MUSK: variants seen among roughly 807,000 people sequenced by gnomAD.
MUSK encodes muscle, skeletal receptor tyrosine-protein kinase.
Under a neutral mutation model 88.7 loss-of-function variants are expected in MUSK, and 55 were observed. The observed-to-expected ratio is 0.62, with a 90% CI of 0.50 to 0.78. MUSK has a LOEUF of 0.78. Among genes scored for constraint, MUSK ranks in the 30% least tolerant of loss-of-function variants. The pLI is 0.00. For missense variants in MUSK, 1,015 were observed against 1,074.3 expected (o/e 0.94, Z 0.77); for synonymous variants, 387 against 391.9 (o/e 0.99, Z 0.15).
In MUSK at chr9:110,775,814, T is replaced by C; in HGVS notation, c.1211T>C (p.Leu404Pro). 1 of 1,613,892 alleles carries C rather than the reference T, an allele frequency of 6.2e-7. No individual in the cohort carries two copies. Among genetic ancestry groups the C allele is most frequent in the Non-Finnish European group, 8.5e-7 (1 of 1,179,836 alleles). Reference sequence around the variant, plus strand: ...GAGTACTGCTTGGCAGTAAAGGAGCTCTTCTGCGCAAAAGAATGGCTGGTA... The same window carrying C: ...GAGTACTGCTTGGCAGTAAAGGAGCCCTTCTGCGCAAAAGAATGGCTGGTA... Reference protein sequence around the residue: ...CREYCLAVKELFCAKEWLVME... With the variant: ...CREYCLAVKEPFCAKEWLVME... Residue 404 changes from leucine to proline, a missense_variant, in exon 10 of 15, where the codon CTC becomes CCC. Coordinates refer to ENST00000374448, the MANE Select transcript of MUSK (RefSeq NM_005592.4).
chr9:110,805,020 T>A lies in MUSK; in HGVS notation c.*4032T>A, dbSNP rs1016477113. 1.3e-5 allele frequency among the ~76,000 whole-genome samples: 2 copies of A among 151,964 alleles called. No homozygotes were observed. The highest frequency in any genetic ancestry group is 4.1e-4 in the South Asian group (2 of 4,830). On this transcript the variant is annotated 3_prime_UTR_variant, in exon 15 of 15. Transcript: ENST00000374448. ...TCTTCTACATGAACAAGTATTCATGTGCAACATTAATTTTGATGGTTGAAT... is the reference window on the plus strand; with the variant it reads ...TCTTCTACATGAACAAGTATTCATGAGCAACATTAATTTTGATGGTTGAAT...
chr9:110,737,921 C>T (rs1354861717), intron 6 of MUSK, among the ~76,000 whole-genome samples: 2 of 152,134 alleles, frequency 1.3e-5, no homozygotes, highest in Non-Finnish European at 1.5e-5. Flanking sequence ...AAATCTCATT[C>T]GCAATCTCTA....
chr9:110,779,058 C>CTCTG (rs35729732), intron 11 of MUSK, among the ~76,000 whole-genome samples: 43 of 149,722 alleles, frequency 2.9e-4, no homozygotes, highest in African/African-American at 9.5e-4. Flanking sequence ...GTCAGTGTCT[C>CTCTG]TGTGTGTGTG....
At chr9:110,759,727 A>G (rs1037134573) in intron 7 of MUSK, among the ~76,000 whole-genome samples, 1 of 152,212 alleles carries the variant, frequency 6.6e-6, no homozygotes, top group African/African-American at 2.4e-5. Context: ...AAAATGCTCA[A>G]TATCACTAAT....
chr9:110,696,714 C>A (rs1489810342), intron 4 of MUSK, among the ~76,000 whole-genome samples: 1 of 151,816 alleles, frequency 6.6e-6, no homozygotes, highest in African/African-American at 2.4e-5. Flanking sequence ...GTGAAATTTT[C>A]TAGTATTTCA....
chr9:110,700,493 A>G (rs1423967641), intron 5 of MUSK, among the ~76,000 whole-genome samples: 1 of 152,194 alleles, frequency 6.6e-6, no homozygotes, highest in East Asian at 1.9e-4. Flanking sequence ...CTGAAAAAAA[A>G]TAGACAGGAG....
Position 110,775,240 on chromosome 9 carries a change from TAA to T in MUSK, c.1185-547_1185-546del, listed in dbSNP as rs2077648428. ...TGGGACAGGATTCCGTGCCTCAAAGTAAGGGCTGAGTAAGGACCCAGATGCCC... is the reference window on the plus strand; with the variant it reads ...TGGGACAGGATTCCGTGCCTCAAAGTGGGCTGAGTAAGGACCCAGATGCCC... On this transcript the variant is annotated intron_variant, in intron 9 of 14. Coordinates refer to ENST00000374448, the MANE Select transcript of MUSK (RefSeq NM_005592.4). 3.2e-5 allele frequency: 5 copies of T among 157,188 alleles called. No individual in the cohort carries two copies. The South Asian group carries it at 9.7e-4, about 31-fold the overall frequency. 9.7% of individuals were successfully genotyped at this position (157,188 alleles called of 1,614,324 possible).
chr9:110,748,041 A>G lies in MUSK; in HGVS notation c.913+241A>G, dbSNP rs189135174. 2.6e-5 allele frequency: 17 copies of G among 656,138 alleles called. No individual in the cohort carries two copies. The East Asian group carries it at 5.1e-4, about 20-fold the overall frequency. 40.6% of individuals were successfully genotyped at this position (656,138 alleles called of 1,614,324 possible). On this transcript the variant is annotated intron_variant, in intron 7 of 14. Transcript: ENST00000374448. ...AAGTGGTAGGTAACAGCTTCCAGGA[A>G]CTCACTTCTTCCTTCCTTCTTGTTT...
At chr9:110,771,434 A>G (rs1473214884) in intron 9 of MUSK, among the ~76,000 whole-genome samples, 2 of 152,018 alleles carry the variant, frequency 1.3e-5, no homozygotes, top group South Asian at 4.1e-4. Context: ...CTCTAAAGGC[A>G]TCGTCGTTCT....
chr9:110,713,519 C>T (rs1456398231), intron 5 of MUSK, among the ~76,000 whole-genome samples: 2 of 152,064 alleles, frequency 1.3e-5, no homozygotes, highest in African/African-American at 2.4e-5. Flanking sequence ...CTCAGTCTTC[C>T]AAAGTGCTAG....
At chr9:110,695,587 T>G (rs2076421109) in intron 4 of MUSK, 57 bp downstream of exon 4, 2 of 1,355,128 alleles carry the variant, frequency 1.5e-6, no homozygotes, top group East Asian at 5.1e-5. Flanking sequence ...ATATAACATT[T>G]CTTTACACAC....
intron 1 of MUSK, among the ~76,000 whole-genome samples, chr9:110,681,042 A>ATAAT (rs2076109698): frequency 6.5e-5 from 1 of 15,378 alleles, no homozygotes; most frequent in South Asian, 9.9e-4. Context: ...TATATTATAT[A>ATAAT]ATATATATTA....
chr9:110,694,385 C>CAAAAA (rs796590211), intron 3 of MUSK, among the ~76,000 whole-genome samples: 39 of 50,412 alleles, frequency 7.7e-4, no homozygotes, highest in East Asian at 1.5e-3. Flanking sequence ...GACTCCGTCT[C>CAAAAA]AAAAAAAAAA....
chr9:110,747,409 A>G (rs566591917), intron 6 of MUSK, among the ~76,000 whole-genome samples: 2 of 152,350 alleles, frequency 1.3e-5, no homozygotes, highest in African/African-American at 4.8e-5. Context: ...TCCAAAACAC[A>G]TCACAAGGCT....
intron 13 of MUSK, 110 bp from the exon 14 acceptor site, chr9:110,787,580 T>C (rs1258717738): frequency 1.4e-5 from 15 of 1,109,748 alleles, no homozygotes; most frequent in Non-Finnish European, 1.9e-5. Context: ...GCGTGAGACT[T>C]AACCAGCCTT....
chr9:110,693,255 C>T (rs1479762707), intron 3 of MUSK, among the ~76,000 whole-genome samples: 4 of 152,128 alleles, frequency 2.6e-5, no homozygotes, highest in Non-Finnish European at 4.4e-5. Flanking sequence ...TATACTAAAT[C>T]CCCTTTTCTT....
At position 110,734,287 on chromosome 9, in the gene MUSK, A is replaced by G. The variant is rs55826142; in HGVS notation, c.665A>G (p.Asn222Ser). The G allele has an allele frequency of 1.8e-3, 2,869 of 1,613,064 alleles. 3 individuals are homozygous for G. Among genetic ancestry groups the G allele is most frequent in the Non-Finnish European group, 2.3e-3 (2,710 of 1,179,420 alleles). The change falls in exon 6 of 15, where the codon AAT (asparagine) becomes AGT (serine). Residue 222 changes from asparagine to serine, a missense_variant. By Grantham distance (46) the Asn-to-Ser change is conservative. Transcript: ENST00000374448. ...ARILRAPESH[N>S]VTFGSFVTLH... ...ATCCTGCGGGCTCCTGAATCCCACA[A>G]TGTCACCTTTGGCTCCTTTGTGACC...
In MUSK at chr9:110,803,620, T is replaced by C. The variant is rs757255927; in HGVS notation, c.*2632T>C. ...TATTTTATTCTATTAACTTCCTAAG[T>C]CTTTTTAATGAATAGCAAAAAAAGT... On this transcript the variant is annotated 3_prime_UTR_variant, in exon 15 of 15. Coordinates refer to ENST00000374448, the MANE Select transcript of MUSK (RefSeq NM_005592.4). 2.0e-5 allele frequency among the ~76,000 whole-genome samples: 3 copies of C among 152,222 alleles called. No homozygotes were observed. Among genetic ancestry groups the C allele is most frequent in the Non-Finnish European group, 2.9e-5 (2 of 68,036 alleles).
At chr9:110,671,330 C>T (rs1369964119) in intron 1 of MUSK, among the ~76,000 whole-genome samples, 1 of 152,124 alleles carries the variant, frequency 6.6e-6, no homozygotes, top group East Asian at 1.9e-4. Flanking sequence ...TTCTAGAAAA[C>T]TACTGTTTTC....
Sources: gnomAD v4.1 joint callset for allele counts (sites outside exome capture counted in the v4.1 genomes callset) on GRCh38, gnomAD v4.1.1 for gene constraint, MANE v1.5 for transcripts, NCBI Gene and HGNC (gene_info 2026-07-23, HGNC 2026-07-21) for gene names.